The following C12orf42 variants were observed in gnomAD, a reference collection of about 807,000 sequenced individuals.
The protein encoded by C12orf42 is uncharacterized protein C12orf42.
In C12orf42, 25 loss-of-function variants were observed where a neutral mutation model predicts 21.6. The ratio of observed to expected loss-of-function variants is 1.16; its 90% CI spans 0.84 to 1.62. The LOEUF is 1.62. Ranked by LOEUF, C12orf42 falls within the 40% of genes most tolerant of loss-of-function variation. The pLI, the probability that C12orf42 is intolerant of heterozygous loss-of-function variation, is 0.00. For missense variants in C12orf42, 483 were observed against 459.3 expected (o/e 1.05, Z -0.47); for synonymous variants, 174 against 175.0 (o/e 0.99, Z 0.05).
chr12:103,556,715 C>T, the C12orf42 span, among the ~76,000 whole-genome samples: 2 of 152,046 alleles, frequency 1.3e-5, no homozygotes, highest in African/African-American at 2.4e-5. Flanking sequence ...AAGACATGTC[C>T]CTGTTCTAAT....
chr12:103,190,623 T>C, the C12orf42 span, among the ~76,000 whole-genome samples: 1 of 152,094 alleles, frequency 6.6e-6, no homozygotes, highest in Non-Finnish European at 1.5e-5. Flanking sequence ...AAAAATGCCA[T>C]ATAGGGCTTC....
intron 2 of C12orf42, among the ~76,000 whole-genome samples, chr12:103,447,333 A>T (rs1451891078): frequency 6.6e-6 from 1 of 151,976 alleles, no homozygotes; most frequent in African/African-American, 2.4e-5. Flanking sequence ...CACAGCCAAC[A>T]TTATACTGAA....
At chr12:103,097,315 C>CTA in the C12orf42 span, among the ~76,000 whole-genome samples, 2 of 152,034 alleles carry the variant, frequency 1.3e-5, no homozygotes, top group Non-Finnish European at 2.9e-5. Context: ...ATACAGAGAG[C>CTA]TATATATAGC....
the C12orf42 span, among the ~76,000 whole-genome samples, chr12:103,104,943 A>G: frequency 1.6e-4 from 25 of 152,212 alleles, no homozygotes; most frequent in African/African-American, 6.0e-4. Context: ...AGGCAGGACA[A>G]AAAAGTCTCC....
the C12orf42 span, among the ~76,000 whole-genome samples, chr12:103,075,990 G>T: frequency 6.6e-6 from 1 of 152,146 alleles, no homozygotes; most frequent in Non-Finnish European, 1.5e-5. Flanking sequence ...TTTTGGATAT[G>T]TGGAGTTTGA....
At chr12:103,174,368 C>T in the C12orf42 span, among the ~76,000 whole-genome samples, 1 of 152,132 alleles carries the variant, frequency 6.6e-6, no homozygotes, top group Non-Finnish European at 1.5e-5. Flanking sequence ...AACATAGTCT[C>T]AGGGTTAATT....
chr12:103,352,759 C>A (rs568081060), intron 4 of C12orf42, among the ~76,000 whole-genome samples: 1 of 152,114 alleles, frequency 6.6e-6, no homozygotes, highest in Non-Finnish European at 1.5e-5. Context: ...TGTCTCAATG[C>A]AACCACTTAT....
At chr12:103,442,638 C>T (rs1452844350) in intron 2 of C12orf42, among the ~76,000 whole-genome samples, 2 of 152,104 alleles carry the variant, frequency 1.3e-5, no homozygotes, top group Non-Finnish European at 2.9e-5. Context: ...CATTTTTCAA[C>T]AAATCACCAA....
At chr12:103,337,310 A>C (rs1282502761) in intron 4 of C12orf42, among the ~76,000 whole-genome samples, 1 of 152,132 alleles carries the variant, frequency 6.6e-6, no homozygotes, top group African/African-American at 2.4e-5. Flanking sequence ...TGAGACTGTG[A>C]AGAAGAACAG....
chr12:103,237,654 A>G (rs2033514478), exon 11 of C12orf42: 1 of 152,220 alleles, frequency 6.6e-6, no homozygotes, highest in South Asian at 2.1e-4. Flanking sequence ...TGCACTCAGC[A>G]TGGCAATTCT....
chr12:103,051,825 A>G, the C12orf42 span, among the ~76,000 whole-genome samples: 3 of 151,972 alleles, frequency 2.0e-5, no homozygotes, highest in East Asian at 5.8e-4. Flanking sequence ...CTAGGGACAT[A>G]CTCAAGTCTC....
intron 4 of C12orf42, among the ~76,000 whole-genome samples, chr12:103,328,334 G>GCC (rs1260142844): frequency 1.3e-5 from 2 of 152,042 alleles, no homozygotes; most frequent in Non-Finnish European, 2.9e-5. Flanking sequence ...AGTAGGCTTA[G>GCC]CCCCACCCAA....
At chr12:103,475,883 A>G (rs1258532573) in intron 2 of C12orf42, among the ~76,000 whole-genome samples, 1 of 152,218 alleles carries the variant, frequency 6.6e-6, no homozygotes, top group African/African-American at 2.4e-5. Context: ...ATGAAGCCTC[A>G]GAATCTTTCT....
chr12:103,284,230 T>A (rs920407656), intron 4 of C12orf42, among the ~76,000 whole-genome samples: 27 of 152,242 alleles, frequency 1.8e-4, no homozygotes, highest in Non-Finnish European at 3.2e-4. Flanking sequence ...TTATTTTTAG[T>A]ACATTGTTTA....
intron 1 of C12orf42, among the ~76,000 whole-genome samples, chr12:103,484,379 T>C (rs1003609482): frequency 2.6e-5 from 4 of 152,222 alleles, no homozygotes; most frequent in South Asian, 2.1e-4. Context: ...CAGTATCTCA[T>C]TGTGGTTTTG....
At chr12:103,455,049 G>T (rs144508111) in intron 2 of C12orf42, among the ~76,000 whole-genome samples, 171 of 152,262 alleles carry the variant, frequency 1.1e-3, no homozygotes, top group African/African-American at 3.7e-3. Flanking sequence ...CACAGCACTT[G>T]AATATAAGTT....
chr12:103,489,994 C>T (rs531112518), intron 1 of C12orf42, among the ~76,000 whole-genome samples: 10 of 152,274 alleles, frequency 6.6e-5, no homozygotes, highest in East Asian at 3.9e-4. Flanking sequence ...GACCCAGGTA[C>T]CTCAGTTGGA....
chr12:103,062,885 A>T, the C12orf42 span, among the ~76,000 whole-genome samples: 1 of 152,034 alleles, frequency 6.6e-6, no homozygotes, highest in South Asian at 2.1e-4. Context: ...AAGCACACAT[A>T]TGTTAAATAT....
the C12orf42 span, among the ~76,000 whole-genome samples, chr12:103,145,944 C>CAT: frequency 0.25 from 36,916 of 149,984 alleles, 4,851 homozygotes; most frequent in East Asian, 0.36. Context: ...TTTTCGTATA[C>CAT]ATATATATAT....
Sources: gnomAD v4.1 joint callset for allele counts (sites outside exome capture counted in the v4.1 genomes callset) on GRCh38, gnomAD v4.1.1 for gene constraint, MANE v1.5 for transcripts, NCBI Gene and HGNC (gene_info 2026-07-23, HGNC 2026-07-21) for gene names.